Variants in SRSF11 observed in about 807,000 individuals in gnomAD.
The protein encoded by SRSF11 is serine and arginine rich splicing factor 11.
In SRSF11, 9 loss-of-function variants were observed where a neutral mutation model predicts 56.0. That is an observed-to-expected ratio of 0.16 (90% CI 0.10 to 0.28). The LOEUF (loss-of-function observed/expected upper bound fraction) is 0.28, where lower values mean the gene tolerates loss of function less well. SRSF11 is among the 10% of genes least tolerant of loss of function. SRSF11 has a pLI of 1.00. For missense variants in SRSF11, 421 were observed against 600.7 expected (o/e 0.70, Z 3.13); for synonymous variants, 222 against 215.3 (o/e 1.03, Z -0.27).
rs770513653 is a variant in SRSF11, at chr1:70,228,405, ATTTG to A, written c.204-13_204-10del. On this transcript the variant is annotated splice_polypyrimidine_tract_variant and intron_variant, in intron 1 of 11. Coordinates refer to ENST00000370949, the MANE Select transcript of SRSF11 (RefSeq NM_001350605.2). ...TGCTATTCTGTTTCTCTTTTATGTTATTTGTTTATTTTTTAGTGATTCGCCTTTG... is the reference window on the plus strand; with the variant it reads ...TGCTATTCTGTTTCTCTTTTATGTTATTTATTTTTTAGTGATTCGCCTTTG... The A allele has an allele frequency of 6.3e-6, 10 of 1,582,158 alleles. No homozygotes were observed. The highest frequency in any genetic ancestry group is 2.7e-5 in the African/African-American group (2 of 73,912).
At chr1:70,244,134 T>C (rs562400681) in intron 7 of SRSF11, among the ~76,000 whole-genome samples, 2 of 152,226 alleles carry the variant, frequency 1.3e-5, no homozygotes, top group African/African-American at 4.8e-5. Flanking sequence ...GTGGAATTTG[T>C]TTCAGAGAAA....
At chr1:70,236,988 C>T (rs916478698) in intron 5 of SRSF11, among the ~76,000 whole-genome samples, 6 of 151,624 alleles carry the variant, frequency 4.0e-5, no homozygotes, top group Non-Finnish European at 8.8e-5. Flanking sequence ...GGGATTTCAC[C>T]GTGTTAGCCA....
At chr1:70,243,577 A>T in intron 7 of SRSF11, among the ~76,000 whole-genome samples, 1 of 152,158 alleles carries the variant, frequency 6.6e-6, no homozygotes, top group East Asian at 1.9e-4. Context: ...CCTGGCTTAT[A>T]AATGAGAGTT....
chr1:70,234,646 A>G (rs1191419126), intron 3 of SRSF11, 50 bp from the exon 4 acceptor site: 4 of 1,463,354 alleles, frequency 2.7e-6, no homozygotes, highest in Non-Finnish European at 3.7e-6. Flanking sequence ...AACCCCTGGT[A>G]TAAGGAACTG....
rs1230227005 is a variant in SRSF11, at chr1:70,252,212, T to A, written c.*1407T>A. 1.3e-5 allele frequency: 2 copies of A among 152,012 alleles called. No homozygotes were observed. The highest frequency in any genetic ancestry group is 6.5e-5 in the Admixed American group (1 of 15,290). The allele number at this position is 152,012 out of a possible 1,614,324, so 9.4% of individuals were successfully genotyped here. ...AAATAGTCCTTTTCTTAGCTTAGTA[T>A]CATTTTATTGCTTATTTTTTGTGTG... is the stretch of plus-strand genomic sequence containing the variant. On this transcript the variant is annotated 3_prime_UTR_variant, in exon 12 of 12. Coordinates refer to ENST00000370949, the MANE Select transcript of SRSF11 (RefSeq NM_001350605.2).
intron 3 of SRSF11, among the ~76,000 whole-genome samples, chr1:70,234,300 A>G (rs1437896751): frequency 6.6e-6 from 1 of 152,254 alleles, no homozygotes; most frequent in Non-Finnish European, 1.5e-5. Context: ...ACAAAACAGC[A>G]GGGCAAAGAA....
rs200471682 is a variant in SRSF11 at position 70,245,266 on chromosome 1, T to C, written c.932+451T>C. Among the ~76,000 whole-genome samples the C allele has an allele frequency of 3.9e-5, 6 of 152,308 alleles. No homozygotes were observed. In the East Asian group the frequency reaches 7.7e-4, roughly 20 times the overall value. ...TGCTAAAATATTTATCTTAATTTTCTAGAAGCAACTCTATATTTGGCATTA... is the reference window on the plus strand; with the variant it reads ...TGCTAAAATATTTATCTTAATTTTCCAGAAGCAACTCTATATTTGGCATTA... On this transcript the variant is annotated intron_variant, in intron 8 of 11. Transcript: ENST00000370949.
At chr1:70,243,353 A>AT (rs1558217284) in intron 7 of SRSF11, among the ~76,000 whole-genome samples, 2 of 119,050 alleles carry the variant, frequency 1.7e-5, no homozygotes, top group East Asian at 4.0e-4. Flanking sequence ...AAAAAAAAAA[A>AT]AAAAAAAAAA....
intron 7 of SRSF11, among the ~76,000 whole-genome samples, chr1:70,244,231 G>T (rs1452152270): frequency 6.6e-6 from 1 of 152,128 alleles, no homozygotes; most frequent in Non-Finnish European, 1.5e-5. Context: ...GGACTTACGA[G>T]ACCAATTTGT....
chr1:70,234,923 GC>G, intron 4 of SRSF11, 135 bp downstream of exon 4: 3 of 628,002 alleles, frequency 4.8e-6, no homozygotes, highest in Non-Finnish European at 8.1e-6. Context: ...ACTTGTCAGA[GC>G]TTTAAACAGT....
rs964308954 is a variant in SRSF11, at chr1:70,252,318, T to A, written c.*1513T>A. On this transcript the variant is annotated 3_prime_UTR_variant, in exon 12 of 12. Coordinates refer to ENST00000370949, the MANE Select transcript of SRSF11 (RefSeq NM_001350605.2). ...TAGCAAATTTATATTTTCGGTGAAA[T>A]ACAGATATTTGCCTTTCTGGAGTAG... 1 of 152,096 alleles carries A rather than the reference T, an allele frequency of 6.6e-6. No homozygotes were observed. The highest frequency in any genetic ancestry group is 2.4e-5 in the African/African-American group (1 of 41,416). The allele number at this position is 152,096 out of a possible 1,614,324, so 9.4% of individuals were successfully genotyped here. A position where few individuals can be genotyped will look rare whatever the true frequency, so the allele number is the denominator to read the frequency against.
chr1:70,239,178 A>G (rs1281817345), intron 6 of SRSF11, among the ~76,000 whole-genome samples: 1 of 152,108 alleles, frequency 6.6e-6, no homozygotes, highest in Non-Finnish European at 1.5e-5. Context: ...TGCACCGTCC[A>G]TCTCCAGGCT....
chr1:70,238,686 A>G (rs1674660079), intron 6 of SRSF11, among the ~76,000 whole-genome samples: 1 of 152,250 alleles, frequency 6.6e-6, no homozygotes, highest in African/African-American at 2.4e-5. Flanking sequence ...CAGTGAGTGA[A>G]TCATGACTTT....
chr1:70,237,353 C>T (rs1188931337), intron 5 of SRSF11, 72 bp from the exon 6 acceptor site: 1 of 1,576,622 alleles, frequency 6.3e-7, no homozygotes. Flanking sequence ...ATGTTATATA[C>T]TTAAGTATTT....
At chr1:70,244,164 C>T (rs1230664560) in intron 7 of SRSF11, among the ~76,000 whole-genome samples, 1 of 152,044 alleles carries the variant, frequency 6.6e-6, no homozygotes, top group Non-Finnish European at 1.5e-5. Context: ...TAGGAGATGG[C>T]AACACAATAA....
In SRSF11 at chr1:70,250,389, TAAAGAC is replaced by T. The variant is rs758628060; in HGVS notation, c.1149_1154del (p.Asp383_Lys384del). Reference sequence around the variant, plus strand: ...GACATAAAAAGGAGAAGAAGAAAGATAAAGACAAAGAAAGAAGTAGGGATGAAAGAG... The same window carrying T: ...GACATAAAAAGGAGAAGAAGAAAGATAAAGAAAGAAGTAGGGATGAAAGAG... On this transcript the variant is annotated inframe_deletion, in exon 11 of 12. Transcript: ENST00000370949. 380 of 1,606,598 alleles carry T rather than the reference TAAAGAC, an allele frequency of 2.4e-4. No individual in the cohort carries two copies. Among genetic ancestry groups the T allele is most frequent in the Non-Finnish European group, 2.7e-4 (320 of 1,174,400 alleles).
intron 5 of SRSF11, among the ~76,000 whole-genome samples, chr1:70,237,127 G>A (rs1253906818): frequency 6.6e-6 from 1 of 152,068 alleles, no homozygotes. Context: ...CTTAGCATCA[G>A]CATATTTTCT....
Position 70,250,015 on chromosome 1 carries a change from A to G in SRSF11, c.1086A>G (p.Lys362=), listed in dbSNP as rs376318448. The G allele has an allele frequency of 5.6e-6, 9 of 1,614,014 alleles. No homozygotes were observed. The highest frequency in any genetic ancestry group is 7.6e-6 in the Non-Finnish European group (9 of 1,180,004). Residue 362 remains lysine (K), a synonymous_variant, in exon 10 of 12, where the codon AAA becomes AAG. Transcript: ENST00000370949. ...CTCCTAAAAAGCCTCGGTCTCCTAA[A>G]AGAAAATTGTCCCGCTCACCATCCC... ...TRSPKKPRSP[K]RKLSRSPSPR...
At chr1:70,209,904 G>C (rs71651446) in intron 1 of SRSF11, among the ~76,000 whole-genome samples, 1 of 151,294 alleles carries the variant, frequency 6.6e-6, no homozygotes, top group African/African-American at 2.4e-5. Context: ...TGGCCAAGAA[G>C]ACATTCTTTT....
Sources: gnomAD v4.1 joint callset for allele counts (sites outside exome capture counted in the v4.1 genomes callset) on GRCh38, gnomAD v4.1.1 for gene constraint, MANE v1.5 for transcripts, NCBI Gene and HGNC (gene_info 2026-07-23, HGNC 2026-07-21) for gene names.